The following COL25A1 variants were observed in gnomAD, a reference collection of about 807,000 sequenced individuals.
COL25A1 encodes the protein collagen type XXV alpha 1 chain, also known as collagen alpha-1(XXV) chain.
Under a neutral mutation model 128.4 loss-of-function variants are expected in COL25A1, and 103 were observed. The ratio of observed to expected loss-of-function variants is 0.80; its 90% CI spans 0.68 to 0.94. COL25A1 has a LOEUF of 0.94. Among genes scored for constraint, COL25A1 ranks in the 40% least tolerant of loss-of-function variants. The pLI is 0.00. For synonymous variants in COL25A1, 279 were observed against 277.2 expected, an observed-to-expected ratio of 1.01 and a Z score of -0.06; for missense variants, 745 against 840.0, an observed-to-expected ratio of 0.89 and a Z score of 1.40.
intron 3 of COL25A1, among the ~76,000 whole-genome samples, chr4:109,253,685 C>G (rs151066135): frequency 1.7e-3 from 263 of 152,236 alleles, no homozygotes; most frequent in African/African-American, 5.8e-3. Context: ...AACTTTTACT[C>G]AAAAAATCTA....
At chr4:109,237,138 T>A (rs1779529815) in intron 3 of COL25A1, among the ~76,000 whole-genome samples, 1 of 152,078 alleles carries the variant, frequency 6.6e-6, no homozygotes, top group South Asian at 2.1e-4. Flanking sequence ...CAATATGCCC[T>A]ATTTTATAAA....
intron 3 of COL25A1, among the ~76,000 whole-genome samples, chr4:109,145,295 C>A (rs1770824082): frequency 6.6e-6 from 1 of 152,004 alleles, no homozygotes; most frequent in African/African-American, 2.4e-5. Flanking sequence ...TCTTGATCTC[C>A]TGACCTCGTG....
chr4:109,184,896 CT>C (rs1240701361), intron 3 of COL25A1, among the ~76,000 whole-genome samples: 1 of 152,152 alleles, frequency 6.6e-6, no homozygotes, highest in Non-Finnish European at 1.5e-5. Flanking sequence ...TACAAAGCTC[CT>C]GTTTTAGTAG....
intron 32 of COL25A1, among the ~76,000 whole-genome samples, chr4:108,829,668 A>G (rs1254622198): frequency 6.6e-6 from 1 of 151,680 alleles, no homozygotes; most frequent in Non-Finnish European, 1.5e-5. Context: ...CAAATATACT[A>G]TGGCTTATTT....
intron 31 of COL25A1, among the ~76,000 whole-genome samples, chr4:108,834,186 T>C (rs570401019): frequency 2.9e-4 from 44 of 152,236 alleles, no homozygotes; most frequent in Non-Finnish European, 5.3e-4. Flanking sequence ...AACCGTCCTC[T>C]GTCCACCTTT....
At chr4:109,113,685 A>G (rs1187245956) in intron 3 of COL25A1, among the ~76,000 whole-genome samples, 1 of 152,064 alleles carries the variant, frequency 6.6e-6, no homozygotes, top group Admixed American at 6.6e-5. Flanking sequence ...CAGTGATGCT[A>G]TTTCCATAAA....
intron 3 of COL25A1, among the ~76,000 whole-genome samples, chr4:109,298,004 C>T (rs1238327551): frequency 6.7e-6 from 1 of 149,100 alleles, no homozygotes; most frequent in African/African-American, 2.5e-5. Context: ...AAAACCTATA[C>T]TTATTCTCTA....
chr4:109,001,043 T>C (rs1020781950), intron 6 of COL25A1, among the ~76,000 whole-genome samples: 1 of 152,048 alleles, frequency 6.6e-6, no homozygotes. Context: ...TAATGAAAAA[T>C]TAATGGGAGA....
intron 3 of COL25A1, among the ~76,000 whole-genome samples, chr4:109,281,300 A>G (rs1723367839): frequency 6.6e-6 from 1 of 152,154 alleles, no homozygotes; most frequent in South Asian, 2.1e-4. Context: ...CATACAGTAC[A>G]AAGGTTGTTA....
chr4:109,093,472 A>AAAAACAAAAC (rs1553931039), intron 3 of COL25A1, among the ~76,000 whole-genome samples: 1 of 145,468 alleles, frequency 6.9e-6, no homozygotes, highest in African/African-American at 2.6e-5. Context: ...AAAAAAAAAA[A>AAAAACAAAAC]AAAACCTTTT....
At chr4:108,946,541 G>A (rs1748777300) in intron 8 of COL25A1, among the ~76,000 whole-genome samples, 1 of 152,204 alleles carries the variant, frequency 6.6e-6, no homozygotes, top group Non-Finnish European at 1.5e-5. Flanking sequence ...TATTTAAAAA[G>A]CATTTGTTGA....
At chr4:108,987,458 C>T (rs1347544352) in intron 6 of COL25A1, among the ~76,000 whole-genome samples, 1 of 151,790 alleles carries the variant, frequency 6.6e-6, no homozygotes, top group Non-Finnish European at 1.5e-5. Flanking sequence ...TCACTGCAAC[C>T]TCCGCCTCCC....
intron 3 of COL25A1, among the ~76,000 whole-genome samples, chr4:109,144,511 C>A (rs991445037): frequency 6.6e-6 from 1 of 152,202 alleles, no homozygotes; most frequent in Non-Finnish European, 1.5e-5. Flanking sequence ...CCCCTTCCCC[C>A]AGGTGTTCTG....
intron 29 of COL25A1, among the ~76,000 whole-genome samples, 172 bp from the exon 30 acceptor site, chr4:108,844,741 TA>T (rs60869815): frequency 0.072 from 10,576 of 147,234 alleles, 482 homozygotes; most frequent in East Asian, 0.22. Flanking sequence ...TTATGAGAAT[TA>T]AAAAAAAAAA....
At chr4:109,073,319 A>AT (rs1314153909) in intron 3 of COL25A1, among the ~76,000 whole-genome samples, 2 of 152,150 alleles carry the variant, frequency 1.3e-5, no homozygotes, top group African/African-American at 2.4e-5. Flanking sequence ...TCACTCTAGG[A>AT]TTTGGAAATA....
At chr4:109,043,287 G>T (rs892878471) in intron 5 of COL25A1, among the ~76,000 whole-genome samples, 1 of 152,020 alleles carries the variant, frequency 6.6e-6, no homozygotes, top group African/African-American at 2.4e-5. Context: ...TGAAGTAAAG[G>T]TATCAGAGGT....
chr4:109,179,516 T>A (rs1413900393), intron 3 of COL25A1, among the ~76,000 whole-genome samples: 1 of 152,252 alleles, frequency 6.6e-6, no homozygotes, highest in Non-Finnish European at 1.5e-5. Flanking sequence ...TATGTTAGGA[T>A]AGAGAAAGGT....
At chr4:108,910,644 G>A (rs1323783552) in intron 13 of COL25A1, among the ~76,000 whole-genome samples, 1 of 152,162 alleles carries the variant, frequency 6.6e-6, no homozygotes, top group Non-Finnish European at 1.5e-5. Context: ...CATACTGCCT[G>A]GCTTTTAAGC....
chr4:109,285,293 T>C (rs1033358158), intron 3 of COL25A1, among the ~76,000 whole-genome samples: 4 of 152,192 alleles, frequency 2.6e-5, no homozygotes, highest in Admixed American at 6.5e-5. Context: ...ATCCATGCTA[T>C]ATAAAGAGAA....
Sources: allele counts gnomAD v4.1 joint callset (sites outside exome capture counted in the v4.1 genomes callset), GRCh38; gene constraint gnomAD v4.1.1; transcripts MANE v1.5; gene names NCBI Gene and HGNC (gene_info 2026-07-23, HGNC 2026-07-21).